Variants in HMSD observed in about 807,000 individuals in gnomAD.
HMSD encodes serpin-like protein HMSD.
Under a neutral mutation model 10.0 loss-of-function variants are expected in HMSD, and 13 were observed. That is an observed-to-expected ratio of 1.31 (90% confidence interval 0.85 to 2.08). HMSD has a LOEUF of 2.08. Ranked by LOEUF, HMSD falls within the 30% of genes most tolerant of loss-of-function variation. The pLI is 0.00. For synonymous variants in HMSD, 51 were observed against 54.2 expected, an observed-to-expected ratio of 0.94 and a Z score of 0.26; for missense variants, 169 against 166.3, an observed-to-expected ratio of 1.02 and a Z score of -0.09.
intron 3 of HMSD, chr18:63,967,928 A>G (rs1265249636): frequency 1.3e-5 from 2 of 152,216 alleles, no homozygotes; most frequent in Admixed American, 6.5e-5. Flanking sequence ...AATTGTCCAT[A>G]CTCAGAAAAT....
downstream of HMSD, among the ~76,000 whole-genome samples, chr18:63,965,050 G>A (rs994721305): frequency 6.6e-6 from 1 of 152,102 alleles, no homozygotes; most frequent in South Asian, 2.1e-4. Context: ...AATCTCTGAT[G>A]TAGTTTGTTT....
intron 3 of HMSD, among the ~76,000 whole-genome samples, chr18:63,955,387 A>G (rs958304413): frequency 2.0e-5 from 3 of 152,088 alleles, no homozygotes; most frequent in Non-Finnish European, 4.4e-5. Context: ...ATTTAAGCTT[A>G]TTTACTCTGG....
chr18:63,963,501 T>G (rs2050398985), downstream of HMSD, among the ~76,000 whole-genome samples: 1 of 152,164 alleles, frequency 6.6e-6, no homozygotes, highest in Non-Finnish European at 1.5e-5. Context: ...GTGCTGAGAT[T>G]ACAGACATGA....
downstream of HMSD, among the ~76,000 whole-genome samples, chr18:63,963,527 C>T (rs778843054): frequency 2.6e-5 from 4 of 152,160 alleles, no homozygotes; most frequent in African/African-American, 7.2e-5. Context: ...CGCACCAGGC[C>T]GGAAGTAGTT....
chr18:63,958,913 A>G (rs1205499414), intron 3 of HMSD, among the ~76,000 whole-genome samples: 2 of 152,196 alleles, frequency 1.3e-5, no homozygotes, highest in Admixed American at 6.5e-5. Context: ...AGAGGCAAAT[A>G]TAGCACTTGC....
chr18:63,967,138 TGTTTTTTG>T (rs2050413230), intron 3 of HMSD, among the ~76,000 whole-genome samples: 3 of 80,908 alleles, frequency 3.7e-5, no homozygotes, highest in South Asian at 3.4e-4. Context: ...TGAGACTCTT[TGTTTTTTG>T]TTTGTTTGTT....
chr18:63,960,080 A>T, intron 3 of HMSD, 78 bp from the exon 4 acceptor site: 1 of 1,298,176 alleles, frequency 7.7e-7, no homozygotes, highest in Non-Finnish European at 1.1e-6. Context: ...TGATTTTCTG[A>T]TGTGGCACAA....
intron 1 of HMSD, among the ~76,000 whole-genome samples, chr18:63,951,510 C>T (rs751109029): frequency 5.9e-5 from 9 of 151,934 alleles, no homozygotes; most frequent in Admixed American, 2.0e-4. Flanking sequence ...GTTGAGCATA[C>T]GAAGAAATTA....
chr18:63,953,396 T>C lies in HMSD; in HGVS notation c.-60T>C. 7.5e-7 allele frequency: 1 copy of C among 1,338,428 alleles called. No individual in the cohort carries two copies. Among genetic ancestry groups the C allele is most frequent in the South Asian group, 1.2e-5 (1 of 82,646 alleles). The allele number at this position is 1,338,428 out of a possible 1,614,324, so 82.9% of individuals were successfully genotyped here. A position where few individuals can be genotyped will look rare whatever the true frequency, so the allele number is the denominator to read the frequency against. ...CTCTATCAGAAGCAAATGGCACATT[T>C]GCATTAAACCTTTTGAAAAAGCTAG... On this transcript the variant is annotated 5_prime_UTR_variant, in exon 2 of 4. Coordinates refer to ENST00000408945, the MANE Select transcript of HMSD (RefSeq NM_001123366.2).
At chr18:63,959,777 C>G (rs79702997) in intron 3 of HMSD, among the ~76,000 whole-genome samples, 3,602 of 152,126 alleles carry the variant, frequency 0.024, 154 homozygotes, top group African/African-American at 0.082. Context: ...TCTATTTCTC[C>G]TTTCAGTTCT....
chr18:63,956,662 G>T (rs888222448), intron 3 of HMSD, among the ~76,000 whole-genome samples: 1 of 152,196 alleles, frequency 6.6e-6, no homozygotes, highest in African/African-American at 2.4e-5. Context: ...ACTGTGGAAA[G>T]GACTTTGGTG....
At chr18:63,951,449 G>T (rs993092106) in intron 1 of HMSD, among the ~76,000 whole-genome samples, 1 of 150,402 alleles carries the variant, frequency 6.6e-6, no homozygotes, top group Admixed American at 6.6e-5. Context: ...TCACCAGCAG[G>T]GGGGAAACTG....
At chr18:63,966,469 C>T (rs118136025), downstream of HMSD, 4 of 152,170 alleles carry the variant, frequency 2.6e-5, no homozygotes, top group Admixed American at 1.3e-4. Context: ...GATAGGTACA[C>T]CGGTCTCAAA....
chr18:63,957,647 G>A (rs1418414426), intron 3 of HMSD, among the ~76,000 whole-genome samples: 3 of 152,078 alleles, frequency 2.0e-5, no homozygotes, highest in African/African-American at 4.8e-5. Flanking sequence ...ACTAGTCTTA[G>A]CACTATTTAG....
downstream of HMSD, chr18:63,961,893 T>G (rs181231155): frequency 5.9e-5 from 9 of 152,206 alleles, no homozygotes; most frequent in Non-Finnish European, 8.8e-5. Context: ...ATGGGGGAGA[T>G]CCCTCCTTCA....
chr18:63,962,467 G>T (rs1210589915), downstream of HMSD, among the ~76,000 whole-genome samples: 1 of 152,188 alleles, frequency 6.6e-6, no homozygotes, highest in Non-Finnish European at 1.5e-5. Flanking sequence ...TATCCCATCT[G>T]AAAAGTGGAA....
chr18:63,960,365 CT>C lies in HMSD; in HGVS notation c.*16del. ...AAACTGTCAAATATAAAAAGGAGTC[CT>C]TTTTTCTCTAAACAACTATGCAAAC... is the stretch of plus-strand genomic sequence containing the variant. On this transcript the variant is annotated 3_prime_UTR_variant, in exon 4 of 4. Coordinates refer to ENST00000408945, the MANE Select transcript of HMSD (RefSeq NM_001123366.2). The C allele has an allele frequency of 1.3e-6, 2 of 1,565,406 alleles. No homozygotes were observed. The highest frequency in any genetic ancestry group is 1.2e-5 in the South Asian group (1 of 84,188).
Position 63,960,196 on chromosome 18 carries a change from G to T in HMSD, c.261G>T (p.Thr87=), listed in dbSNP as rs1384875525. 7 of 1,612,636 alleles carry T rather than the reference G, an allele frequency of 4.3e-6. No individual in the cohort carries two copies. In the South Asian group the frequency reaches 7.7e-5, roughly 18 times the overall value. ...TDSCGKFYQA[T]IKQLDFVNDT... ...CCTGTGGCAAATTCTACCAAGCAAC[G>T]ATAAAACAGCTAGACTTTGTGAATG... The change falls in exon 4 of 4, where the codon ACG becomes ACT. Residue 87 remains threonine, a synonymous_variant. Coordinates refer to ENST00000408945, the MANE Select transcript of HMSD (RefSeq NM_001123366.2).
chr18:63,957,877 T>C (rs2050367320), intron 3 of HMSD, among the ~76,000 whole-genome samples: 1 of 152,166 alleles, frequency 6.6e-6, no homozygotes, highest in South Asian at 2.1e-4. Context: ...CCCATACCAA[T>C]AGCAATATAT....
Sources: allele counts gnomAD v4.1 joint callset (sites outside exome capture counted in the v4.1 genomes callset), GRCh38; gene constraint gnomAD v4.1.1; transcripts MANE v1.5; gene names NCBI Gene and HGNC (gene_info 2026-07-23, HGNC 2026-07-21).